The following SMLR1 variants were observed in gnomAD, a reference collection of about 807,000 sequenced individuals.
The protein encoded by SMLR1 is small leucine-rich protein 1.
SMLR1 carries 3 observed loss-of-function variants against 6.1 expected under a neutral mutation model. The observed-to-expected ratio is 0.49, with a 90% confidence interval of 0.22 to 1.28. SMLR1 has a LOEUF of 1.28. Ranked by LOEUF, SMLR1 falls within the 50% of genes most tolerant of loss-of-function variation. The pLI is 0.19. For synonymous variants in SMLR1, 55 were observed against 53.6 expected, an observed-to-expected ratio of 1.03 and a Z score of -0.11; for missense variants, 126 against 124.8, an observed-to-expected ratio of 1.01 and a Z score of -0.05.
chr6:130,827,767 T>C (rs1774321839), intron 1 of SMLR1, 116 bp downstream of exon 1: 1 of 735,920 alleles, frequency 1.4e-6, no homozygotes, highest in East Asian at 2.7e-5. Flanking sequence ...TATATATATT[T>C]TGTAGGTACT....
At chr6:130,831,029 C>T (rs6920685) in intron 1 of SMLR1, among the ~76,000 whole-genome samples, 4,209 of 152,288 alleles carry the variant, frequency 0.028, 202 homozygotes, top group African/African-American at 0.096. Context: ...TTTACGAACT[C>T]GCCCTTAATT....
In SMLR1 at chr6:130,835,489, C is replaced by T. The variant is rs1562258990; in HGVS notation, c.*534C>T. 1 of 152,570 alleles carries T rather than the reference C, an allele frequency of 6.6e-6. No individual in the cohort carries two copies. Among genetic ancestry groups the T allele is most frequent in the Non-Finnish European group, 1.5e-5 (1 of 68,324 alleles). The allele number at this position is 152,570 out of a possible 1,614,324, so 9.5% of individuals were successfully genotyped here. ...CATTTTTGGACCTGACTTTGCTTCTCTCCTTTTCCTGATTGCTTTCACAAA... is the reference window on the plus strand; with the variant it reads ...CATTTTTGGACCTGACTTTGCTTCTTTCCTTTTCCTGATTGCTTTCACAAA... On this transcript the variant is annotated 3_prime_UTR_variant, in exon 2 of 2. Transcript: ENST00000541421.
At chr6:130,834,255 G>A (rs915006311) in intron 1 of SMLR1, among the ~76,000 whole-genome samples, 1 of 152,156 alleles carries the variant, frequency 6.6e-6, no homozygotes, top group Non-Finnish European at 1.5e-5. Context: ...CCAAAGGGAG[G>A]AGAATGGTGG....
intron 1 of SMLR1, among the ~76,000 whole-genome samples, chr6:130,832,138 A>T (rs553803279): frequency 1.3e-5 from 2 of 152,082 alleles, no homozygotes; most frequent in Admixed American, 6.6e-5. Context: ...AGTTTTCATT[A>T]TCTTATTTCC....
chr6:130,834,811 C>A (rs918876523), intron 1 of SMLR1, 59 bp from the exon 2 acceptor site: 4 of 1,438,892 alleles, frequency 2.8e-6, no homozygotes, highest in Non-Finnish European at 3.8e-6. Context: ...CTTATGAACT[C>A]TAAATGACCA....
rs545653893 is a variant in SMLR1 at position 130,833,559 on chromosome 6, T to C, written c.239-1311T>C. ...TGAAACTGTGGTCTCTGAAGTCAGA[T>C]TGCCTGGAATCAAATCCTGAATTCA... On this transcript the variant is annotated intron_variant, in intron 1 of 1. Transcript: ENST00000541421. Among the ~76,000 whole-genome samples, 36 of 152,326 alleles carry C rather than the reference T, an allele frequency of 2.4e-4. 1 individual carries two copies. In the South Asian group the frequency reaches 7.5e-3, roughly 32 times the overall value.
At position 130,836,406 on chromosome 6, in the gene SMLR1, T is replaced by C. The variant is rs891399653; in HGVS notation, c.*1451T>C. 1 of 152,214 alleles carries C rather than the reference T, an allele frequency of 6.6e-6. No individual in the cohort carries two copies. The highest frequency in any genetic ancestry group is 1.5e-5 in the Non-Finnish European group (1 of 68,036). 9.4% of individuals were successfully genotyped at this position (152,214 alleles called of 1,614,324 possible). On this transcript the variant is annotated 3_prime_UTR_variant, in exon 2 of 2. Coordinates refer to ENST00000541421, the MANE Select transcript of SMLR1 (RefSeq NM_001195597.2). The stretch of plus-strand genomic sequence containing the variant: ...AGTGTGAAAGGACAGATCGTATTCC[T>C]ATCTCAGGCAGCTGCCAGCCACATT...
intron 1 of SMLR1, among the ~76,000 whole-genome samples, chr6:130,827,886 C>T (rs72998266): frequency 0.13 from 20,346 of 152,128 alleles, 1,658 homozygotes; most frequent in African/African-American, 0.2. Context: ...GGGGCCCTCA[C>T]GTGTAGCACC....
intron 1 of SMLR1, among the ~76,000 whole-genome samples, chr6:130,832,327 C>A (rs1774486414): frequency 6.6e-6 from 1 of 152,060 alleles, no homozygotes; most frequent in African/African-American, 2.4e-5. Flanking sequence ...CGGAGTTGGA[C>A]CCAAAAAGAA....
chr6:130,834,623 T>C (rs985839408), intron 1 of SMLR1, among the ~76,000 whole-genome samples: 1 of 152,178 alleles, frequency 6.6e-6, no homozygotes, highest in Non-Finnish European at 1.5e-5. Context: ...GTAACAATTC[T>C]CATTACAGTG....
In SMLR1 at chr6:130,835,931, GCAGGACATTAA is replaced by G. The variant is rs779072386; in HGVS notation, c.*981_*991del. On this transcript the variant is annotated 3_prime_UTR_variant, in exon 2 of 2. Coordinates refer to ENST00000541421, the MANE Select transcript of SMLR1 (RefSeq NM_001195597.2). ...AGACTGGTTACATTCCAATCTTTGTGCAGGACATTAACAGGCTGAGTGATCCACTTTATAAA... is the reference window on the plus strand; with the variant it reads ...AGACTGGTTACATTCCAATCTTTGTGCAGGCTGAGTGATCCACTTTATAAA... 1.3e-5 allele frequency: 2 copies of G among 152,134 alleles called. No individual in the cohort carries two copies. 9.4% of individuals were successfully genotyped at this position (152,134 alleles called of 1,614,324 possible).
At chr6:130,834,153 T>A (rs1774562897) in intron 1 of SMLR1, among the ~76,000 whole-genome samples, 1 of 152,128 alleles carries the variant, frequency 6.6e-6, no homozygotes, top group South Asian at 2.1e-4. Context: ...AGAAGGCATC[T>A]CAGGGCTAAA....
chr6:130,835,004 G>A lies in SMLR1; in HGVS notation c.*49G>A. 7.3e-7 allele frequency: 1 copy of A among 1,377,180 alleles called. No homozygotes were observed. Among genetic ancestry groups the A allele is most frequent in the Non-Finnish European group, 1.0e-6 (1 of 1,002,598 alleles). The allele number at this position is 1,377,180 out of a possible 1,614,324, so 85.3% of individuals were successfully genotyped here. On this transcript the variant is annotated 3_prime_UTR_variant, in exon 2 of 2. Transcript: ENST00000541421. ...AAGCACAATGAGTTTCTACTGGTCAGCAAGCAATGGCCAACAGTTCAGCTA... is the reference window on the plus strand; with the variant it reads ...AAGCACAATGAGTTTCTACTGGTCAACAAGCAATGGCCAACAGTTCAGCTA...
Position 130,837,057 on chromosome 6 carries a change from T to C in SMLR1, c.*2102T>C, listed in dbSNP as rs1183515535. ...CCGAATCTTATTCCAAATGCTATAG[T>C]ATCTGAAACGGTTCACCAATAGGGA... On this transcript the variant is annotated 3_prime_UTR_variant, in exon 2 of 2. Transcript: ENST00000541421. The C allele has an allele frequency of 1.3e-5, 2 of 152,198 alleles. No homozygotes were observed. The highest frequency in any genetic ancestry group is 2.9e-5 in the Non-Finnish European group (2 of 68,036). The allele number at this position is 152,198 out of a possible 1,614,324, so 9.4% of individuals were successfully genotyped here. A position where few individuals can be genotyped will look rare whatever the true frequency, so the allele number is the denominator to read the frequency against.
intron 1 of SMLR1, among the ~76,000 whole-genome samples, chr6:130,832,294 T>C (rs1774484940): frequency 6.6e-6 from 1 of 152,178 alleles, no homozygotes; most frequent in Non-Finnish European, 1.5e-5. Context: ...ACGTGTCTAC[T>C]GAAATGCCTA....
intron 1 of SMLR1, among the ~76,000 whole-genome samples, chr6:130,828,959 C>A (rs1481157162): frequency 6.6e-6 from 1 of 152,174 alleles, no homozygotes; most frequent in Non-Finnish European, 1.5e-5. Flanking sequence ...ATAACCATGG[C>A]TTCCCTTCAG....
chr6:130,829,073 T>C (rs189248054), intron 1 of SMLR1, among the ~76,000 whole-genome samples: 6 of 152,266 alleles, frequency 3.9e-5, no homozygotes, highest in Admixed American at 3.9e-4. Context: ...CCAGGGACAA[T>C]AAAACGATGC....
chr6:130,834,749 G>A (rs1249454223), intron 1 of SMLR1, 121 bp from the exon 2 acceptor site: 11 of 718,884 alleles, frequency 1.5e-5, no homozygotes, highest in Non-Finnish European at 1.9e-5. Flanking sequence ...GGAAGACCTG[G>A]ACTTCTGTGA....
chr6:130,834,273 C>T (rs923160891), intron 1 of SMLR1, among the ~76,000 whole-genome samples: 3 of 151,902 alleles, frequency 2.0e-5, no homozygotes, highest in African/African-American at 7.3e-5. Flanking sequence ...TGGGGGCAGA[C>T]AGAGAGAGGG....
Sources: allele counts gnomAD v4.1 joint callset (sites outside exome capture counted in the v4.1 genomes callset), GRCh38; gene constraint gnomAD v4.1.1; transcripts MANE v1.5; gene names NCBI Gene and HGNC (gene_info 2026-07-23, HGNC 2026-07-21).